CWF19L2: variants seen among roughly 807,000 people sequenced by gnomAD.
CWF19L2 encodes CWF19 like cell cycle control factor 2.
Under a neutral mutation model 111.7 loss-of-function variants are expected in CWF19L2, and 98 were observed. The observed-to-expected ratio is 0.88, with a 90% CI of 0.75 to 1.04. CWF19L2 has a LOEUF of 1.04. Among genes scored for constraint, CWF19L2 ranks in the 50% least tolerant of loss-of-function variants. The pLI, the probability that CWF19L2 is intolerant of heterozygous loss-of-function variation, is 0.00. For synonymous variants in CWF19L2, 351 were observed against 342.9 expected, an observed-to-expected ratio of 1.02 and a Z score of -0.26; for missense variants, 1,101 against 1,051.4, an observed-to-expected ratio of 1.05 and a Z score of -0.65.
chr11:107,403,568 T>C (rs1861036896), intron 10 of CWF19L2: 1 of 792,258 alleles, frequency 1.3e-6, no homozygotes, highest in Non-Finnish European at 2.3e-6. Flanking sequence ...TTCTTCACCA[T>C]TCTGTTGACT....
At chr11:107,443,387 G>T (rs908181271) in intron 3 of CWF19L2, among the ~76,000 whole-genome samples, 2 of 152,046 alleles carry the variant, frequency 1.3e-5, no homozygotes, top group African/African-American at 2.4e-5. Context: ...GGAGGCTAAG[G>T]CAGGAGAATC....
intron 6 of CWF19L2, among the ~76,000 whole-genome samples, chr11:107,436,628 T>C (rs1448477887): frequency 6.6e-6 from 1 of 152,112 alleles, no homozygotes; most frequent in Non-Finnish European, 1.5e-5. Flanking sequence ...ACTCACATTC[T>C]AGCAGAAAAA....
In CWF19L2 at chr11:107,336,305, C is replaced by T. The variant is rs374407181; in HGVS notation, c.2358+253G>A. On this transcript the variant is annotated intron_variant, in intron 15 of 17. Transcript: ENST00000282251. ...GGGACTACAGGTGCCCACCACCATG[C>T]CCAGTTAATTTTTGTATTTTTAGTG... Among the ~76,000 whole-genome samples the T allele has an allele frequency of 1.8e-4, 27 of 152,150 alleles. No homozygotes were observed. In the East Asian group the frequency reaches 3.3e-3, roughly 19 times the overall value.
chr11:107,352,917 C>G (rs138619454), intron 13 of CWF19L2, among the ~76,000 whole-genome samples: 75 of 152,280 alleles, frequency 4.9e-4, no homozygotes, highest in African/African-American at 1.7e-3. Context: ...CTCCTGCCTT[C>G]TTTCTGCTCC....
chr11:107,380,982 T>C (rs958387939), intron 12 of CWF19L2, among the ~76,000 whole-genome samples: 1 of 152,206 alleles, frequency 6.6e-6, no homozygotes, highest in East Asian at 1.9e-4. Flanking sequence ...AAGTATTATA[T>C]GATTCTACTT....
At chr11:107,425,549 T>G (rs1861364318) in intron 8 of CWF19L2, among the ~76,000 whole-genome samples, 1 of 151,910 alleles carries the variant, frequency 6.6e-6, no homozygotes. Flanking sequence ...CACAATGACA[T>G]CACCTAATAA....
intron 12 of CWF19L2, among the ~76,000 whole-genome samples, chr11:107,370,142 C>T (rs1202685784): frequency 7.3e-6 from 1 of 137,414 alleles, no homozygotes; most frequent in Non-Finnish European, 1.6e-5. Flanking sequence ...TAAAATACAT[C>T]CTACTACAGG....
At position 107,348,983 on chromosome 11, in the gene CWF19L2, T is replaced by C; in HGVS notation, c.2156A>G (p.His719Arg). 3 of 1,611,336 alleles carry C rather than the reference T, an allele frequency of 1.9e-6. No individual in the cohort carries two copies. The highest frequency in any genetic ancestry group is 2.5e-6 in the Non-Finnish European group (3 of 1,178,174). Residue 719 changes from histidine to arginine, a missense_variant, in exon 14 of 18, where the codon CAT becomes CGT. Physicochemically the swap from His to Arg is conservative, Grantham distance 29. Coordinates refer to ENST00000282251, the MANE Select transcript of CWF19L2 (RefSeq NM_152434.3). ...GHCLIVPLQH[H>R]RAATLLDEDI... ...TTCATCCAACAAAGTAGCTGCTCTA[T>C]GGTGCTGCAAAGGGACTATCAGGCA...
chr11:107,413,176 C>T (rs1198356718), intron 10 of CWF19L2, among the ~76,000 whole-genome samples: 3 of 152,100 alleles, frequency 2.0e-5, no homozygotes, highest in Non-Finnish European at 4.4e-5. Context: ...CAAATGTACT[C>T]CTCTGGTAGG....
At chr11:107,333,836 T>C (rs1801940962) in intron 16 of CWF19L2, among the ~76,000 whole-genome samples, 1 of 152,180 alleles carries the variant, frequency 6.6e-6, no homozygotes, top group Non-Finnish European at 1.5e-5. Context: ...GGGGGAGAAG[T>C]ATTCCAGTGA....
chr11:107,447,335 C>A (rs917707178), intron 3 of CWF19L2, among the ~76,000 whole-genome samples: 1 of 152,038 alleles, frequency 6.6e-6, no homozygotes, highest in South Asian at 2.1e-4. Flanking sequence ...ACTTAAAGGA[C>A]CCCTGGAGTC....
intron 8 of CWF19L2, among the ~76,000 whole-genome samples, chr11:107,420,296 C>A (rs74808457): frequency 3.3e-5 from 5 of 151,898 alleles, no homozygotes; most frequent in African/African-American, 9.7e-5. Flanking sequence ...CACAGACATA[C>A]GTATGTTAAA....
Position 107,330,025 on chromosome 11 carries a change from TA to T in CWF19L2, c.2440-7del. 1 of 1,529,124 alleles carries T rather than the reference TA, an allele frequency of 6.5e-7. No individual in the cohort carries two copies. The highest frequency in any genetic ancestry group is 8.8e-7 in the Non-Finnish European group (1 of 1,132,726). The allele number at this position is 1,529,124 out of a possible 1,614,324, so 94.7% of individuals were successfully genotyped here. A position where few individuals can be genotyped will look rare whatever the true frequency, so the allele number is the denominator to read the frequency against. ...TAAGGTAACCCTCTGGGTACCTAAA[TA>T]AACAGACAAATCACAAATGGAATAC... On this transcript the variant is annotated splice_polypyrimidine_tract_variant and splice_region_variant and intron_variant, in intron 16 of 17. Coordinates refer to ENST00000282251, the MANE Select transcript of CWF19L2 (RefSeq NM_152434.3).
rs1308523799 is a variant in CWF19L2, at chr11:107,443,007, G to T, written c.382C>A (p.Pro128Thr). The T allele has an allele frequency of 1.9e-6, 3 of 1,551,802 alleles. No homozygotes were observed. Among genetic ancestry groups the T allele is most frequent in the Non-Finnish European group, 2.6e-6 (3 of 1,146,868 alleles). Residue 128 changes from proline (P) to threonine (T), a missense_variant, in exon 4 of 18, where the codon CCT becomes ACT. By Grantham distance (38) the Pro-to-Thr change is conservative. Transcript: ENST00000282251. ...EWVEAVPSQT[P>T]DKEKAWKVKD... ...ACTTTCCAGGCTTTTTCCTTGTCAG[G>T]AGTCTGGGATGGAACAGCCTCAACC...
rs1336182365 is a variant in CWF19L2 at position 107,454,589 on chromosome 11, C to T, written c.217-17G>A. On this transcript the variant is annotated splice_polypyrimidine_tract_variant and intron_variant, in intron 2 of 17. Transcript: ENST00000282251. ...AGAGTGTTCCTACAATCATTTTGAA[C>T]AGGCAAGAAAATAATTTAATTTCAT... 7.6e-7 allele frequency: 1 copy of T among 1,315,778 alleles called. No homozygotes were observed. Among genetic ancestry groups the T allele is most frequent in the Non-Finnish European group, 9.7e-7 (1 of 1,028,578 alleles). The allele number at this position is 1,315,778 out of a possible 1,614,324, so 81.5% of individuals were successfully genotyped here. A position where few individuals can be genotyped will look rare whatever the true frequency, so the allele number is the denominator to read the frequency against.
chr11:107,390,939 GAC>G (rs1860838079), intron 11 of CWF19L2, among the ~76,000 whole-genome samples: 1 of 152,192 alleles, frequency 6.6e-6, no homozygotes, highest in Non-Finnish European at 1.5e-5. Context: ...ATGTTGAAAT[GAC>G]TTGACTTGCT....
At chr11:107,402,273 C>T (rs563310132) in intron 10 of CWF19L2, among the ~76,000 whole-genome samples, 1 of 151,940 alleles carries the variant, frequency 6.6e-6, no homozygotes, top group African/African-American at 2.4e-5. Context: ...GCAAAAGGAA[C>T]AGTCAGCAAA....
chr11:107,358,343 TA>T (rs58922291), intron 12 of CWF19L2, among the ~76,000 whole-genome samples: 29,721 of 131,408 alleles, frequency 0.23, 3,087 homozygotes, highest in African/African-American at 0.29. Context: ...ACTGATGAGC[TA>T]AAAAAAAAAA....
intron 12 of CWF19L2, among the ~76,000 whole-genome samples, chr11:107,355,403 G>T (rs1417997011): frequency 7.6e-6 from 1 of 132,050 alleles, no homozygotes; most frequent in African/African-American, 2.9e-5. Context: ...CGACAAGAGC[G>T]AAACTCCGTC....
Sources: allele counts gnomAD v4.1 joint callset (sites outside exome capture counted in the v4.1 genomes callset), GRCh38; gene constraint gnomAD v4.1.1; transcripts MANE v1.5; gene names NCBI Gene and HGNC (gene_info 2026-07-23, HGNC 2026-07-21).